ZBTB38: variants seen among roughly 807,000 people sequenced by gnomAD.
ZBTB38 encodes zinc finger and BTB domain containing 38.
Under a neutral mutation model 76.8 loss-of-function variants are expected in ZBTB38, and 20 were observed. The ratio of observed to expected loss-of-function variants is 0.26; its 90% CI spans 0.18 to 0.38. The LOEUF (loss-of-function observed/expected upper bound fraction) is 0.38. ZBTB38 is among the 10% of genes least tolerant of loss of function. ZBTB38 has a pLI of 1.00. For missense variants in ZBTB38, 1,082 were observed against 1,482.3 expected, an observed-to-expected ratio of 0.73 and a Z score of 4.43; for synonymous variants, 504 against 544.2, an observed-to-expected ratio of 0.93 and a Z score of 1.03.
At chr3:141,421,593 G>A (rs756714983) in intron 5 of ZBTB38, among the ~76,000 whole-genome samples, 3 of 152,126 alleles carry the variant, frequency 2.0e-5, no homozygotes, top group Admixed American at 6.5e-5. Context: ...AAGGGCTGTC[G>A]TATGGCAAAG....
chr3:141,445,995 A>G lies in ZBTB38; in HGVS notation c.*19A>G. ...CCTTTGAGTGGCAAGAATTAGAAAA[A>G]TCTTCAAAAATATAGTTGGTGGTTT... On this transcript the variant is annotated 3_prime_UTR_variant, in exon 6 of 6. Coordinates refer to ENST00000321464, the MANE Select transcript of ZBTB38 (RefSeq NM_001376113.1). The surrounding 1 kb of genome is among the most constrained non-coding windows in gnomAD (Gnocchi z 6.5). 6.5e-7 allele frequency: 1 copy of G among 1,533,186 alleles called. No homozygotes were observed. The highest frequency in any genetic ancestry group is 8.7e-7 in the Non-Finnish European group (1 of 1,147,454). The allele number at this position is 1,533,186 out of a possible 1,614,324, so 95.0% of individuals were successfully genotyped here.
At position 141,442,889 on chromosome 3, in the gene ZBTB38, A is replaced by G; in HGVS notation, c.501A>G (p.Ala167=). ...AITNGPRITN[A]FSIIETENSN... ...CTAATGGGCCAAGGATCACAAATGC[A>G]TTTTCCATCATCGAAACAGAAAATA... is the stretch of plus-strand genomic sequence containing the variant. Residue 167 remains alanine (A), a synonymous_variant, in exon 6 of 6, where the codon GCA becomes GCG. Coordinates refer to ENST00000321464, the MANE Select transcript of ZBTB38 (RefSeq NM_001376113.1). This position sits in a 1 kb window ranked among gnomAD's most constrained non-coding sequence, Gnocchi z 6.4. 6.2e-7 allele frequency: 1 copy of G among 1,614,254 alleles called. No individual in the cohort carries two copies. The highest frequency in any genetic ancestry group is 1.1e-5 in the South Asian group (1 of 91,084).
chr3:141,430,232 AT>A (rs1437833718), intron 5 of ZBTB38, among the ~76,000 whole-genome samples: 1 of 151,076 alleles, frequency 6.6e-6, no homozygotes, highest in African/African-American at 2.4e-5. Context: ...CACCCGGCTA[AT>A]TTTTTTTGTA....
rs889326693 is a variant in ZBTB38, at chr3:141,413,170, C to T, written c.-1+9139C>T. Among the ~76,000 whole-genome samples the T allele has an allele frequency of 3.9e-5, 6 of 152,202 alleles. No individual in the cohort carries two copies. The highest frequency in any genetic ancestry group is 1.4e-4 in the African/African-American group (6 of 41,446). On this transcript the variant is annotated intron_variant, in intron 5 of 5. Transcript: ENST00000321464. The surrounding 1 kb of genome is among the most constrained non-coding windows in gnomAD (Gnocchi z 4.1). ...AAATAAATATCTGAGGGCCCAGGCC[C>T]ATACAGATGATCTCTGTACGCTGGT...
rs774415311 is a variant in ZBTB38 at position 141,413,509 on chromosome 3, T to A, written c.-1+9478T>A. ...GACAGCTGGATGGTCCAGGCCCTAT[T>A]TCTATGATCTGTTTTTTGGAACTGT... On this transcript the variant is annotated intron_variant, in intron 5 of 5. Transcript: ENST00000321464. This position sits in a 1 kb window ranked among gnomAD's most constrained non-coding sequence, Gnocchi z 4.1. 1.3e-5 allele frequency among the ~76,000 whole-genome samples: 2 copies of A among 152,188 alleles called. No homozygotes were observed. Among genetic ancestry groups the A allele is most frequent in the African/African-American group, 2.4e-5 (1 of 41,426 alleles).
At chr3:141,426,548 G>A (rs1335127107) in intron 5 of ZBTB38, among the ~76,000 whole-genome samples, 9 of 152,278 alleles carry the variant, frequency 5.9e-5, no homozygotes, top group East Asian at 3.9e-4. Flanking sequence ...GGGAGCAGAC[G>A]CCAGAAGGAA....
At chr3:141,332,140 C>T (rs1942873935) in intron 1 of ZBTB38, among the ~76,000 whole-genome samples, 1 of 152,124 alleles carries the variant, frequency 6.6e-6, no homozygotes, top group East Asian at 1.9e-4. Flanking sequence ...CATCCTAATA[C>T]TTTTTTCCTA....
At chr3:141,344,073 C>G (rs1487836888) in intron 1 of ZBTB38, among the ~76,000 whole-genome samples, 1 of 152,218 alleles carries the variant, frequency 6.6e-6, no homozygotes, top group African/African-American at 2.4e-5. Flanking sequence ...ATTCTAGTAA[C>G]AGCAGGACAG....
intron 2 of ZBTB38, among the ~76,000 whole-genome samples, chr3:141,376,216 A>G (rs746642231): frequency 6.6e-5 from 10 of 151,780 alleles, no homozygotes; most frequent in Non-Finnish European, 1.3e-4. Flanking sequence ...TCAGCTCCCT[A>G]CCCGCCCCAG....
At chr3:141,379,274 T>C (rs954672086) in intron 2 of ZBTB38, among the ~76,000 whole-genome samples, 6 of 152,206 alleles carry the variant, frequency 3.9e-5, no homozygotes, top group African/African-American at 1.4e-4. Context: ...AAGAGGGACT[T>C]GCTGCACTCA....
intron 1 of ZBTB38, among the ~76,000 whole-genome samples, chr3:141,356,333 C>T (rs923981627): frequency 2.0e-5 from 3 of 152,056 alleles, no homozygotes; most frequent in African/African-American, 7.2e-5. Flanking sequence ...AGACAGACGG[C>T]TCTTCCCTCG....
chr3:141,372,521 G>A (rs545796012), intron 2 of ZBTB38, among the ~76,000 whole-genome samples: 5 of 151,914 alleles, frequency 3.3e-5, no homozygotes, highest in East Asian at 1.9e-4. Flanking sequence ...GCAGGGTGGC[G>A]CACACCTATA....
intron 5 of ZBTB38, among the ~76,000 whole-genome samples, chr3:141,430,330 G>T (rs1192738345): frequency 6.6e-6 from 1 of 152,160 alleles, no homozygotes; most frequent in Non-Finnish European, 1.5e-5. Flanking sequence ...GCCTCCCAGA[G>T]TGCTGGGATT....
chr3:141,340,949 G>GAAAA lies in ZBTB38; in HGVS notation c.-739+16493_-739+16494insAAAA, dbSNP rs1943165885. Among the ~76,000 whole-genome samples the GAAAA allele has an allele frequency of 1.8e-3, 201 of 111,988 alleles. 2 individuals carry two copies. The highest frequency in any genetic ancestry group is 0.013 in the East Asian group (56 of 4,156). The allele number at this position is 111,988 out of a possible 152,430, so 73.5% of individuals were successfully genotyped here. Reference sequence around the variant, plus strand: ...GGAAAAAAGAAAAGAAAAGAAAGAAGGAAAGAAAGAAAGAAAGAAAGAAAG... The same window carrying GAAAA: ...GGAAAAAAGAAAAGAAAAGAAAGAAGAAAAGAAAGAAAGAAAGAAAGAAAGAAAG... On this transcript the variant is annotated intron_variant, in intron 1 of 7. Coordinates refer to the ZBTB38 transcript ENST00000509842.
At chr3:141,348,055 G>A (rs780217850) in intron 1 of ZBTB38, among the ~76,000 whole-genome samples, 43 of 152,176 alleles carry the variant, frequency 2.8e-4, no homozygotes, top group Admixed American at 6.5e-4. Context: ...AGTTGTGGTT[G>A]CCAATCTATT....
intron 1 of ZBTB38, among the ~76,000 whole-genome samples, chr3:141,352,472 G>A (rs1389201044): frequency 6.6e-6 from 1 of 152,004 alleles, no homozygotes; most frequent in African/African-American, 2.4e-5. Context: ...AAGGTCAATG[G>A]GAGGGCTTCA....
intron 5 of ZBTB38, among the ~76,000 whole-genome samples, chr3:141,411,007 T>G (rs928026236): frequency 1.3e-5 from 2 of 152,170 alleles, no homozygotes; most frequent in African/African-American, 4.8e-5. Context: ...GAGACAGATA[T>G]GAGCTGTCAC....
At chr3:141,331,654 A>G (rs1289770571) in intron 1 of ZBTB38, among the ~76,000 whole-genome samples, 3 of 152,190 alleles carry the variant, frequency 2.0e-5, no homozygotes, top group South Asian at 2.1e-4. Context: ...ACATGGGGCC[A>G]TTCTTCTCTG....
chr3:141,349,203 GA>G (rs1287145493), intron 1 of ZBTB38, among the ~76,000 whole-genome samples: 7 of 152,150 alleles, frequency 4.6e-5, no homozygotes, highest in African/African-American at 1.4e-4. Context: ...CCCCAAAAAT[GA>G]AACTCCTGAT....
Sources: allele counts gnomAD v4.1 joint callset (sites outside exome capture counted in the v4.1 genomes callset), GRCh38; gene constraint gnomAD v4.1.1; non-coding constraint Gnocchi (gnomAD v3.1); transcripts MANE v1.5; gene names NCBI Gene and HGNC (gene_info 2026-07-23, HGNC 2026-07-21).